The following AHI1 variants were observed in gnomAD, a reference collection of about 807,000 sequenced individuals.
AHI1 encodes jouberin.
AHI1 carries 123 observed loss-of-function variants against 149.3 expected under a neutral mutation model. That is an observed-to-expected ratio of 0.82 (90% CI 0.71 to 0.96). AHI1 has a LOEUF of 0.96. Ranked by LOEUF, AHI1 falls within the 40% of genes least tolerant of loss-of-function variation. AHI1 has a pLI of 0.00. For missense variants in AHI1, 1,439 were observed against 1,422.7 expected (o/e 1.01, Z -0.18); for synonymous variants, 475 against 459.8 (o/e 1.03, Z -0.42).
At chr6:135,405,068 C>A in intron 21 of AHI1, 91 bp from the exon 22 acceptor site, 1 of 1,074,398 alleles carries the variant, frequency 9.3e-7, no homozygotes, top group Admixed American at 2.0e-5. Context: ...CTTCTAATAA[C>A]CTAAATCAGC....
chr6:135,374,109 T>TATATATATATATATATATATATATA (rs1491273878), intron 23 of AHI1, among the ~76,000 whole-genome samples: 1 of 25,470 alleles, frequency 3.9e-5, no homozygotes, highest in Non-Finnish European at 7.5e-5. Flanking sequence ...TATATATATA[T>TATATATATATATATATATATATATA]TTTTTTTTTT....
intron 24 of AHI1, among the ~76,000 whole-genome samples, chr6:135,356,402 C>T (rs529005961): frequency 6.6e-6 from 1 of 152,266 alleles, no homozygotes; most frequent in South Asian, 2.1e-4. Flanking sequence ...TCAGACTTTA[C>T]TTGTCCTGGT....
intron 23 of AHI1, among the ~76,000 whole-genome samples, chr6:135,392,713 C>T (rs1778685161): frequency 6.6e-6 from 1 of 152,138 alleles, no homozygotes. Flanking sequence ...GATTTGAACA[C>T]TGAATAGAAT....
rs1359799592 is a variant in AHI1, at chr6:135,402,463, T to C, written c.2988+2488A>G. Among the ~76,000 whole-genome samples the C allele has an allele frequency of 3.3e-5, 5 of 152,288 alleles. No homozygotes were observed. The East Asian group carries it at 9.6e-4, about 29-fold the overall frequency. ...AATATAACAATACGTAACCTATTCA[T>C]ACAATGAAATCTTATTTGGCAATAA... On this transcript the variant is annotated intron_variant, in intron 22 of 28. Coordinates refer to ENST00000265602, the MANE Select transcript of AHI1 (RefSeq NM_001134831.2).
chr6:135,378,913 C>T (rs1776312239), intron 23 of AHI1, among the ~76,000 whole-genome samples: 1 of 152,036 alleles, frequency 6.6e-6, no homozygotes, highest in Non-Finnish European at 1.5e-5. Context: ...ACCTCATAGT[C>T]ACCCCTAATA....
intron 24 of AHI1, among the ~76,000 whole-genome samples, chr6:135,335,862 C>T (rs376499261): frequency 7.2e-5 from 11 of 152,130 alleles, no homozygotes; most frequent in Non-Finnish European, 1.0e-4. Flanking sequence ...TGGTGGCTCA[C>T]GCCTGTAATC....
intron 25 of AHI1, among the ~76,000 whole-genome samples, chr6:135,319,372 G>A (rs1303730301): frequency 6.6e-6 from 1 of 152,162 alleles, no homozygotes; most frequent in African/African-American, 2.4e-5. Context: ...AGCTTTGGGA[G>A]GCTGAGGCAT....
At chr6:135,366,151 T>C (rs1263797476) in intron 23 of AHI1, among the ~76,000 whole-genome samples, 1 of 152,206 alleles carries the variant, frequency 6.6e-6, no homozygotes, top group Non-Finnish European at 1.5e-5. Context: ...TCATGGTACA[T>C]TATCTTTTTG....
At chr6:135,363,891 G>T (rs1309660383) in intron 23 of AHI1, among the ~76,000 whole-genome samples, 2 of 149,084 alleles carry the variant, frequency 1.3e-5, no homozygotes, top group East Asian at 2.0e-4. Flanking sequence ...CCGGACGGGG[G>T]GCTGACCCCC....
At chr6:135,376,945 T>G (rs1582907392) in intron 23 of AHI1, among the ~76,000 whole-genome samples, 1 of 90,316 alleles carries the variant, frequency 1.1e-5, no homozygotes, top group Non-Finnish European at 2.2e-5. Context: ...GACTCAAAAG[T>G]CAATGTCATA....
chr6:135,327,455 T>C (rs987728001), intron 24 of AHI1, among the ~76,000 whole-genome samples: 9 of 152,350 alleles, frequency 5.9e-5, no homozygotes, highest in African/African-American at 1.2e-4. Flanking sequence ...AATACCATTG[T>C]TGACATTCAA....
intron 10 of AHI1, 27 bp from the exon 11 acceptor site, chr6:135,453,463 G>C: frequency 6.9e-7 from 1 of 1,451,412 alleles, no homozygotes; most frequent in South Asian, 1.3e-5. Flanking sequence ...AGAAGACTAA[G>C]CTACCTAAAA....
At chr6:135,396,498 G>T (rs1490810593) in intron 22 of AHI1, among the ~76,000 whole-genome samples, 2 of 151,654 alleles carry the variant, frequency 1.3e-5, no homozygotes, top group African/African-American at 4.8e-5. Context: ...GAATATCTTG[G>T]CAAGGGCAAA....
At chr6:135,363,659 C>T (rs1170963145) in intron 23 of AHI1, among the ~76,000 whole-genome samples, 19 of 148,434 alleles carry the variant, frequency 1.3e-4, no homozygotes, top group African/African-American at 2.5e-4. Context: ...CCGGACGGGG[C>T]GGCTGGCCGG....
chr6:135,301,905 CCAT>C (rs1196632228), intron 26 of AHI1: 12 of 985,234 alleles, frequency 1.2e-5, no homozygotes, highest in Non-Finnish European at 2.4e-6. Flanking sequence ...TCAGAAAGCA[CCAT>C]CATAACAGAA....
intron 3 of AHI1, among the ~76,000 whole-genome samples, chr6:135,493,224 C>G (rs1464549021): frequency 6.6e-6 from 1 of 152,140 alleles, no homozygotes; most frequent in Non-Finnish European, 1.5e-5. Flanking sequence ...GTCTTGAACT[C>G]CTGACCTCAT....
At chr6:135,478,881 C>G (rs1389580455) in intron 5 of AHI1, among the ~76,000 whole-genome samples, 6 of 152,234 alleles carry the variant, frequency 3.9e-5, no homozygotes, top group Non-Finnish European at 8.8e-5. Flanking sequence ...AGACATGGGG[C>G]CCTGTGTCCC....
At chr6:135,433,339 A>G in intron 15 of AHI1, 83 bp from the exon 16 acceptor site, 1 of 907,764 alleles carries the variant, frequency 1.1e-6, no homozygotes, top group Non-Finnish European at 1.7e-6. Context: ...AACACAGCCA[A>G]TGAACCTTAA....
At chr6:135,389,019 C>T (rs1778036646) in intron 23 of AHI1, among the ~76,000 whole-genome samples, 1 of 140,746 alleles carries the variant, frequency 7.1e-6, no homozygotes, top group South Asian at 2.3e-4. Context: ...TGTTAAAAAA[C>T]AAAAAATACG....
Sources: gnomAD v4.1 joint callset for allele counts (sites outside exome capture counted in the v4.1 genomes callset) on GRCh38, gnomAD v4.1.1 for gene constraint, MANE v1.5 for transcripts, NCBI Gene and HGNC (gene_info 2026-07-23, HGNC 2026-07-21) for gene names.